Variants in KCNB2 observed in about 807,000 individuals in gnomAD.
The protein encoded by KCNB2 is delayed rectifier potassium channel protein.
In KCNB2, 15 loss-of-function variants were observed where a neutral mutation model predicts 61.5. The ratio of observed to expected loss-of-function variants is 0.24; its 90% confidence interval spans 0.16 to 0.38. KCNB2 has a LOEUF of 0.38. KCNB2 is among the 10% of genes least tolerant of loss of function. KCNB2 has a pLI of 1.00. For missense variants in KCNB2, 828 were observed against 1,125.2 expected (o/e 0.74, Z 3.78); for synonymous variants, 457 against 446.0 (o/e 1.02, Z -0.31).
intron 2 of KCNB2, among the ~76,000 whole-genome samples, chr8:72,763,237 C>T (rs971848318): frequency 2.2e-4 from 33 of 152,082 alleles, no homozygotes; most frequent in African/African-American, 6.3e-4. Flanking sequence ...ATAGCTCACC[C>T]GCACCACTTG....
At chr8:72,775,478 G>A (rs187840785) in intron 2 of KCNB2, among the ~76,000 whole-genome samples, 63 of 152,214 alleles carry the variant, frequency 4.1e-4, no homozygotes, top group Admixed American at 1.8e-3. Context: ...GAACTGTGGC[G>A]TTCCCTTCAA....
chr8:72,651,394 A>G (rs928772981), intron 2 of KCNB2, among the ~76,000 whole-genome samples: 5 of 152,298 alleles, frequency 3.3e-5, no homozygotes, highest in African/African-American at 1.2e-4. Flanking sequence ...CATTTCAATT[A>G]AGATGGTGTT....
At chr8:72,675,314 GA>G (rs947183023) in intron 2 of KCNB2, among the ~76,000 whole-genome samples, 4 of 152,090 alleles carry the variant, frequency 2.6e-5, no homozygotes, top group African/African-American at 7.2e-5. Context: ...CAATATTGAA[GA>G]AAATTGAACA....
intron 2 of KCNB2, among the ~76,000 whole-genome samples, chr8:72,697,825 C>T (rs1463456369): frequency 1.3e-5 from 2 of 151,974 alleles, no homozygotes; most frequent in Non-Finnish European, 2.9e-5. Context: ...CAATAAATTC[C>T]TCTAAAACTA....
chr8:72,856,529 G>A (rs886457640), intron 2 of KCNB2, among the ~76,000 whole-genome samples: 2 of 152,262 alleles, frequency 1.3e-5, no homozygotes, highest in South Asian at 2.1e-4. Flanking sequence ...TAATTTAGAC[G>A]CTTATGTAAT....
intron 2 of KCNB2, among the ~76,000 whole-genome samples, chr8:72,568,857 A>G (rs183156569): frequency 9.2e-5 from 14 of 152,318 alleles, no homozygotes; most frequent in African/African-American, 3.4e-4. Flanking sequence ...GTCAATGTCC[A>G]GAATGCATCC....
At chr8:72,725,873 AT>A (rs1256765761) in intron 2 of KCNB2, among the ~76,000 whole-genome samples, 2 of 151,978 alleles carry the variant, frequency 1.3e-5, no homozygotes, top group African/African-American at 4.8e-5. Context: ...TCCTAAATTA[AT>A]TTTTTAAAAG....
intron 2 of KCNB2, among the ~76,000 whole-genome samples, chr8:72,778,998 T>A (rs1032572521): frequency 6.6e-6 from 1 of 152,056 alleles, no homozygotes; most frequent in African/African-American, 2.4e-5. Flanking sequence ...AGGTCGCACC[T>A]AGGCAGCCAA....
chr8:72,858,662 G>T (rs1288445588), intron 2 of KCNB2, among the ~76,000 whole-genome samples: 2 of 152,186 alleles, frequency 1.3e-5, no homozygotes, highest in African/African-American at 4.8e-5. Context: ...ATCAAGAAAA[G>T]ATCTGGAAAT....
intron 2 of KCNB2, among the ~76,000 whole-genome samples, chr8:72,819,185 G>T (rs1809451250): frequency 6.6e-6 from 1 of 151,848 alleles, no homozygotes; most frequent in Non-Finnish European, 1.5e-5. Flanking sequence ...TTTTATCAAT[G>T]ACTTCCCAAG....
intron 2 of KCNB2, among the ~76,000 whole-genome samples, chr8:72,667,273 A>G (rs1806492491): frequency 6.6e-6 from 1 of 151,920 alleles, no homozygotes; most frequent in Non-Finnish European, 1.5e-5. Flanking sequence ...GTCCTCAGGG[A>G]TTGGTGCTGA....
At chr8:72,864,229 T>A (rs988147934) in intron 2 of KCNB2, among the ~76,000 whole-genome samples, 2 of 152,170 alleles carry the variant, frequency 1.3e-5, no homozygotes, top group East Asian at 3.8e-4. Flanking sequence ...ACAAAAGTCA[T>A]TAAATGAGTA....
At chr8:72,693,055 T>C (rs1806963938) in intron 2 of KCNB2, among the ~76,000 whole-genome samples, 3 of 152,204 alleles carry the variant, frequency 2.0e-5, no homozygotes, top group Non-Finnish European at 4.4e-5. Flanking sequence ...CATAATATTG[T>C]GATATCATTA....
At chr8:72,633,196 T>A (rs1027961283) in intron 2 of KCNB2, among the ~76,000 whole-genome samples, 4 of 152,106 alleles carry the variant, frequency 2.6e-5, no homozygotes, top group Non-Finnish European at 5.9e-5. Flanking sequence ...AGGGCGGTGG[T>A]CCCTGCTTCC....
intron 2 of KCNB2, among the ~76,000 whole-genome samples, chr8:72,628,649 G>A (rs1585794400): frequency 6.6e-6 from 1 of 152,160 alleles, no homozygotes; most frequent in South Asian, 2.1e-4. Flanking sequence ...AACTTACGCT[G>A]ATAAACATGT....
At chr8:72,543,076 A>C (rs186866652) in intron 1 of KCNB2, among the ~76,000 whole-genome samples, 1 of 152,318 alleles carries the variant, frequency 6.6e-6, no homozygotes, top group Admixed American at 6.5e-5. Flanking sequence ...TAGAGCCACA[A>C]CACTCTACTC....
At chr8:72,928,890 T>A (rs1806712773) in intron 2 of KCNB2, among the ~76,000 whole-genome samples, 1 of 151,994 alleles carries the variant, frequency 6.6e-6, no homozygotes, top group Non-Finnish European at 1.5e-5. Context: ...TTTGAAAGTG[T>A]TAAAAATGAG....
intron 2 of KCNB2, among the ~76,000 whole-genome samples, chr8:72,777,423 G>A (rs1307473898): frequency 6.6e-6 from 1 of 152,126 alleles, no homozygotes; most frequent in Middle Eastern, 3.2e-3. Context: ...GGACTGAATA[G>A]TGTCTCAGCA....
At position 72,844,716 on chromosome 8, in the gene KCNB2, C is replaced by T. The variant is rs192131935; in HGVS notation, c.580-91219C>T. Reference sequence around the variant, plus strand: ...CTTCAATGTCTGATATCCTTTCTTCCGCTTAATCAATTCGGCTATTGATGC... The same window carrying T: ...CTTCAATGTCTGATATCCTTTCTTCTGCTTAATCAATTCGGCTATTGATGC... On this transcript the variant is annotated intron_variant, in intron 2 of 2. Transcript: ENST00000523207. Among the ~76,000 whole-genome samples, 15 of 152,230 alleles carry T rather than the reference C, an allele frequency of 9.9e-5. 1 individual carries two copies. The highest frequency in any genetic ancestry group is 2.4e-4 in the African/African-American group (10 of 41,540).
Sources: gnomAD v4.1 joint callset for allele counts (sites outside exome capture counted in the v4.1 genomes callset) on GRCh38, gnomAD v4.1.1 for gene constraint, MANE v1.5 for transcripts, NCBI Gene and HGNC (gene_info 2026-07-23, HGNC 2026-07-21) for gene names.